Variants in GPR179 observed in about 807,000 individuals in gnomAD.
The protein encoded by GPR179 is G protein-coupled receptor 179, also known as probable G protein-coupled receptor 179.
A neutral mutation model predicts 70.8 loss-of-function variants in GPR179; 52 were observed. That is an observed-to-expected ratio of 0.73 (90% CI 0.59 to 0.93). The LOEUF (loss-of-function observed/expected upper bound fraction) is 0.93, where lower values mean the gene tolerates loss of function less well. GPR179 is among the 40% of genes least tolerant of loss of function. The pLI is 0.00. For missense variants in GPR179, 2,734 were observed against 2,966.8 expected (o/e 0.92, Z 1.82); for synonymous variants, 1,123 against 1,169.0 (o/e 0.96, Z 0.80).
At position 38,335,679 on chromosome 17, in the gene GPR179, G is replaced by C; in HGVS notation, c.1318C>G (p.Pro440Ala). The change falls in exon 6 of 11, where the codon CCC becomes GCC. Residue 440 changes from proline (P) to alanine (A), a missense_variant. Physicochemically the swap from Pro to Ala is conservative, Grantham distance 27. Coordinates refer to ENST00000616987, the MANE Select transcript of GPR179 (RefSeq NM_001004334.4). The part of the protein sequence containing the change: ...YFPVFILYFK[P>A]SVFRCIALRW... Reference sequence around the variant, plus strand: ...AGAGCGATGCAGCGGAATACACTGGGCTTGAAGTATAGGATGAAGACCTGG... The same window carrying C: ...AGAGCGATGCAGCGGAATACACTGGCCTTGAAGTATAGGATGAAGACCTGG... 6.2e-7 allele frequency: 1 copy of C among 1,613,786 alleles called. No homozygotes were observed. Among genetic ancestry groups the C allele is most frequent in the African/African-American group, 1.3e-5 (1 of 75,054 alleles).
rs1031673520 is a variant in GPR179, at chr17:38,329,071, C to T, written c.4498G>A (p.Glu1500Lys). 3 of 1,614,002 alleles carry T rather than the reference C, an allele frequency of 1.9e-6. No individual in the cohort carries two copies. The highest frequency in any genetic ancestry group is 2.5e-6 in the Non-Finnish European group (3 of 1,180,008). The change falls in exon 11 of 11, where the codon GAA becomes AAA. Residue 1500 changes from glutamate (E) to lysine (K), a missense_variant. Transcript: ENST00000616987. Reference sequence around the variant, plus strand: ...GCTTTTTCCTTTTCTTGAAGAGATTCTCTACCTGTCCCCAGACTCAGCATT... The same window carrying T: ...GCTTTTTCCTTTTCTTGAAGAGATTTTCTACCTGTCCCCAGACTCAGCATT... ...QEMLSLGTGR[E>K]SLQEKEKASR...
At position 38,326,995 on chromosome 17, in the gene GPR179, C is replaced by T. The variant is rs1429614623; in HGVS notation, c.6574G>A (p.Gly2192Arg). The change falls in exon 11 of 11, where the codon GGG (glycine) becomes AGG (arginine). Residue 2192 changes from glycine to arginine, a missense_variant. Coordinates refer to ENST00000616987, the MANE Select transcript of GPR179 (RefSeq NM_001004334.4). ...AGGGCACCTGACTGGGGCAAGAGCC[C>T]TCCTGAGCCTGTGCCTTCCCCAGGG... is the stretch of plus-strand genomic sequence containing the variant. ...VCPGEGTGSG[G>R]LLPQSGALDP... is the part of the protein sequence containing the mutation. The T allele has an allele frequency of 4.3e-6, 7 of 1,614,064 alleles. No individual in the cohort carries two copies. In the African/African-American group the frequency reaches 8.0e-5, roughly 18 times the overall value.
chr17:38,341,720 C>T (rs552763109), intron 1 of GPR179, among the ~76,000 whole-genome samples: 8 of 152,182 alleles, frequency 5.3e-5, no homozygotes, highest in Admixed American at 3.9e-4. Context: ...CAAGCTTCTG[C>T]GTCAGGACAG....
intron 6 of GPR179, 137 bp from the exon 7 acceptor site, chr17:38,335,408 G>T: frequency 1.3e-6 from 1 of 797,180 alleles, no homozygotes; most frequent in Non-Finnish European, 2.0e-6. Context: ...TTTGTGATTT[G>T]CTGCCTTTTG....
rs1597661078 is a variant in GPR179 at position 38,327,161 on chromosome 17, A to C, written c.6408T>G (p.Gly2136=). ...KKAEICPWEA[G]GGAAEEGEQE... is the part of the protein sequence containing the mutation. The stretch of plus-strand genomic sequence containing the variant: ...GTTCCCCTTCCTCTGCTGCTCCTCC[A>C]CCCGCCTCCCAAGGGCAGATCTCTG... Residue 2136 remains glycine (G), a synonymous_variant, in exon 11 of 11, where the codon GGT becomes GGG. Coordinates refer to ENST00000616987, the MANE Select transcript of GPR179 (RefSeq NM_001004334.4). 1.9e-6 allele frequency: 3 copies of C among 1,613,744 alleles called. No individual in the cohort carries two copies. In the South Asian group the frequency reaches 3.3e-5, roughly 18 times the overall value.
intron 6 of GPR179, 81 bp from the exon 7 acceptor site, chr17:38,335,352 C>A: frequency 9.5e-7 from 1 of 1,049,446 alleles, no homozygotes; most frequent in Non-Finnish European, 1.4e-6. Flanking sequence ...TGGTCTCTGT[C>A]CATTGCTGCC....
Position 38,325,553 on chromosome 17 carries a change from G to C in GPR179, c.*912C>G, listed in dbSNP as rs2037278003. 1 of 152,310 alleles carries C rather than the reference G, an allele frequency of 6.6e-6. No individual in the cohort carries two copies. Among genetic ancestry groups the C allele is most frequent in the Non-Finnish European group, 1.5e-5 (1 of 68,106 alleles). 9.4% of individuals were successfully genotyped at this position (152,310 alleles called of 1,614,324 possible). On this transcript the variant is annotated 3_prime_UTR_variant, in exon 11 of 11. Coordinates refer to ENST00000616987, the MANE Select transcript of GPR179 (RefSeq NM_001004334.4). ...GACAAAAGAGAGAGGTCCTGTTGAT[G>C]GCAGCGCTGAAAAGCTAGGGGGAAG...
chr17:38,340,720 C>A (rs182370370), intron 1 of GPR179, among the ~76,000 whole-genome samples: 2,178 of 152,172 alleles, frequency 0.014, 54 homozygotes, highest in African/African-American at 0.05. Flanking sequence ...GAGTTCGAGA[C>A]CAGCCTGGCC....
chr17:38,324,803 G>A lies in GPR179; in HGVS notation c.*1662C>T, dbSNP rs973409591. On this transcript the variant is annotated 3_prime_UTR_variant, in exon 11 of 11. Coordinates refer to ENST00000616987, the MANE Select transcript of GPR179 (RefSeq NM_001004334.4). ...CCAAAAGCCCAGAATAAGGGCCCTA[G>A]GTAAGAGAATGAGGACATCTGGTCC... Among the ~76,000 whole-genome samples the A allele has an allele frequency of 2.6e-5, 4 of 152,172 alleles. No homozygotes were observed. The highest frequency in any genetic ancestry group is 4.4e-5 in the Non-Finnish European group (3 of 68,028).
chr17:38,336,963 TG>T lies in GPR179; in HGVS notation c.1227+14del. 1 of 1,572,878 alleles carries T rather than the reference TG, an allele frequency of 6.4e-7. No homozygotes were observed. The highest frequency in any genetic ancestry group is 1.2e-5 in the South Asian group (1 of 85,898). ...GGGTCGGACATGTGTGTAGGAGGTG[TG>T]GGGCCTTCCTTGCCTTGTTCCGGCG... On this transcript the variant is annotated intron_variant, in intron 4 of 10. Coordinates refer to ENST00000616987, the MANE Select transcript of GPR179 (RefSeq NM_001004334.4).
Position 38,328,711 on chromosome 17 carries a change from T to C in GPR179, c.4858A>G (p.Lys1620Glu), listed in dbSNP as rs2144258003. 1.9e-6 allele frequency: 3 copies of C among 1,614,044 alleles called. No homozygotes were observed. The highest frequency in any genetic ancestry group is 2.5e-6 in the Non-Finnish European group (3 of 1,180,000). ...VPRGGESQKD[K>E]EKMPGKSEIE... The stretch of plus-strand genomic sequence containing the variant: ...TCCGATTTTCCAGGCATTTTCTCCT[T>C]GTCCTTTTGAGATTCTCCTCCTCTT... Residue 1620 changes from lysine (K) to glutamate (E), a missense_variant, in exon 11 of 11, where the codon AAG (lysine) becomes GAG (glutamate). Transcript: ENST00000616987.
rs1486231672 is a variant in GPR179 at position 38,336,580 on chromosome 17, A to G, written c.1227+398T>C. ...ACATCCAGAAAGTCTTTCCCATGCC[A>G]TCTCAGGCAGGATGACTTTCTGTAA... On this transcript the variant is annotated intron_variant, in intron 4 of 10. Coordinates refer to ENST00000616987, the MANE Select transcript of GPR179 (RefSeq NM_001004334.4). 2.0e-5 allele frequency among the ~76,000 whole-genome samples: 3 copies of G among 152,172 alleles called. No homozygotes were observed. In the East Asian group the frequency reaches 5.8e-4, roughly 29 times the overall value.
rs374044092 is a variant in GPR179 at position 38,335,617 on chromosome 17, G to A, written c.1380C>T (p.Tyr460=). ...WVRLLGFAIV[Y]GTIILKLYRV... ...TGTAAAGCTTGAGTATGATGGTGCC[G>A]TAGACGATGGCAAAACCCAGCAGCC... The change falls in exon 6 of 11, where the codon TAC becomes TAT. Residue 460 remains tyrosine, a synonymous_variant. Transcript: ENST00000616987. 1.3e-5 allele frequency: 21 copies of A among 1,613,388 alleles called. No homozygotes were observed. The highest frequency in any genetic ancestry group is 1.6e-4 in the Middle Eastern group (1 of 6,066).
chr17:38,328,863 G>A lies in GPR179; in HGVS notation c.4706C>T (p.Ala1569Val). The change falls in exon 11 of 11, where the codon GCA (alanine) becomes GTA (valine). Residue 1569 changes from alanine to valine, a missense_variant. By Grantham distance (64) the Ala-to-Val change is moderately conservative (BLOSUM62 0). Coordinates refer to ENST00000616987, the MANE Select transcript of GPR179 (RefSeq NM_001004334.4). ...SQFLCNGGSRATQVCPQEDLR... is the reference protein window; with the variant it reads ...SQFLCNGGSRVTQVCPQEDLR... ...ATCTTCCTGTGGACACACCTGCGTT[G>A]CTCTGCTTCCTCCATTGCATAGGAA... 1 of 1,613,510 alleles carries A rather than the reference G, an allele frequency of 6.2e-7. No individual in the cohort carries two copies. The highest frequency in any genetic ancestry group is 1.3e-5 in the African/African-American group (1 of 74,776).
In GPR179 at chr17:38,334,895, C is replaced by T. The variant is rs1391480658; in HGVS notation, c.1646-53G>A. ...CGGCACCACCTCAGCAGCTGTCCCA[C>T]CCCTTTCTCTGAAAGATGTGCTGGG... is the stretch of plus-strand genomic sequence containing the variant. On this transcript the variant is annotated intron_variant, in intron 7 of 10. Transcript: ENST00000616987. The surrounding 1 kb of genome is among the most constrained non-coding windows in gnomAD (Gnocchi z 4.7). The T allele has an allele frequency of 4.4e-6, 7 of 1,603,252 alleles. No individual in the cohort carries two copies. In the Admixed American group the frequency reaches 5.0e-5, roughly 11 times the overall value.
rs763351074 is a variant in GPR179 at position 38,330,958 on chromosome 17, C to T, written c.2611G>A (p.Glu871Lys). 3.1e-6 allele frequency: 5 copies of T among 1,611,804 alleles called. No individual in the cohort carries two copies. Among genetic ancestry groups the T allele is most frequent in the Non-Finnish European group, 4.2e-6 (5 of 1,179,280 alleles). The change falls in exon 11 of 11, where the codon GAG (glutamate) becomes AAG (lysine). Residue 871 changes from glutamate to lysine, a missense_variant. Glu to Lys is a moderately conservative substitution (Grantham distance 56). Coordinates refer to ENST00000616987, the MANE Select transcript of GPR179 (RefSeq NM_001004334.4). ...ATGGCTGCCTTGGCCTTCTTCCGCT[C>T]CTCCCGCTCCTTTGCTTGCCGGTAG... ...ETYRQAKERE[E>K]RKKAKAAMAS...
intron 1 of GPR179, 153 bp from the exon 2 acceptor site, chr17:38,339,678 G>A: frequency 1.6e-6 from 1 of 606,852 alleles, no homozygotes; most frequent in Non-Finnish European, 3.0e-6. Flanking sequence ...GAAGGGTTCA[G>A]AAGTAAGGTC....
chr17:38,339,411 C>G lies in GPR179; in HGVS notation c.903+6G>C. The stretch of plus-strand genomic sequence containing the variant: ...TAGTAGCGCCCCCCATCCTCCTCAT[C>G]CTTACCTGGGTGCTGTTGAGATCAC... On this transcript the variant is annotated splice_donor_region_variant and intron_variant, in intron 2 of 10. Coordinates refer to ENST00000616987, the MANE Select transcript of GPR179 (RefSeq NM_001004334.4). The G allele has an allele frequency of 6.3e-7, 1 of 1,595,292 alleles. No homozygotes were observed. Among genetic ancestry groups the G allele is most frequent in the Non-Finnish European group, 8.6e-7 (1 of 1,163,144 alleles).
intron 2 of GPR179, among the ~76,000 whole-genome samples, chr17:38,338,005 C>T (rs771853769): frequency 1.4e-4 from 21 of 152,240 alleles, no homozygotes; most frequent in Non-Finnish European, 7.3e-5. Context: ...CTCATAGGAC[C>T]CATTTCCTAG....
Sources: gnomAD v4.1 joint callset for allele counts (sites outside exome capture counted in the v4.1 genomes callset) on GRCh38, gnomAD v4.1.1 for gene constraint, Gnocchi (gnomAD v3.1) non-coding constraint, MANE v1.5 for transcripts, NCBI Gene and HGNC (gene_info 2026-07-23, HGNC 2026-07-21) for gene names.